Variants in STK32C observed in about 807,000 individuals in gnomAD.
STK32C encodes the protein serine/threonine-protein kinase 32C.
A neutral mutation model predicts 56.5 loss-of-function variants in STK32C; 31 were observed. The observed-to-expected ratio is 0.55, with a 90% confidence interval of 0.41 to 0.74. STK32C has a LOEUF of 0.74. Among genes scored for constraint, STK32C ranks in the 30% least tolerant of loss-of-function variants. The pLI is 0.00. For missense variants in STK32C, 544 were observed against 676.9 expected (o/e 0.80, Z 2.18); for synonymous variants, 309 against 289.4 (o/e 1.07, Z -0.69).
intron 1 of STK32C, among the ~76,000 whole-genome samples, chr10:132,256,824 C>G (rs776044889): frequency 2.6e-5 from 4 of 152,204 alleles, no homozygotes; most frequent in Non-Finnish European, 4.4e-5. Context: ...CCCAGAGGCA[C>G]AGATGCTTGG....
Position 132,254,553 on chromosome 10 carries a change from A to G in STK32C, c.263-8598T>C, listed in dbSNP as rs376536537. The stretch of plus-strand genomic sequence containing the variant: ...AGCCTGCCGCAGGGTGCCGGGAGTC[A>G]GCACTATGTCACCCCGGCACAATGC... On this transcript the variant is annotated intron_variant, in intron 1 of 11. Coordinates refer to ENST00000298630, the MANE Select transcript of STK32C (RefSeq NM_173575.4). Among the ~76,000 whole-genome samples the G allele has an allele frequency of 3.6e-5, 3 of 83,806 alleles. No individual in the cohort carries two copies. The South Asian group carries it at 1.5e-3, about 42-fold the overall frequency. The allele number at this position is 83,806 out of a possible 152,430, so 55.0% of individuals were successfully genotyped here.
At chr10:132,258,572 C>G (rs370513470) in intron 1 of STK32C, among the ~76,000 whole-genome samples, 2 of 152,240 alleles carry the variant, frequency 1.3e-5, no homozygotes, top group Non-Finnish European at 2.9e-5. Context: ...GCTGGGCCAG[C>G]GCGCAGGCCT....
chr10:132,223,727 C>T (rs1047525218), intron 8 of STK32C, among the ~76,000 whole-genome samples: 19 of 152,270 alleles, frequency 1.2e-4, no homozygotes, highest in Admixed American at 5.9e-4. Context: ...GCCTGAGACA[C>T]GGGGGCCGGG....
chr10:132,279,841 A>ACTGCACCCCATCATCACGCCC (rs2065105381), intron 1 of STK32C, among the ~76,000 whole-genome samples: 5 of 97,188 alleles, frequency 5.1e-5, no homozygotes, highest in Non-Finnish European at 1.1e-4. Context: ...TGATCACGCC[A>ACTGCACCCCATCATCACGCCC]CTGCACCCCA....
chr10:132,234,388 T>TCCC (rs1446224917), intron 2 of STK32C, among the ~76,000 whole-genome samples: 1 of 152,156 alleles, frequency 6.6e-6, no homozygotes, highest in Non-Finnish European at 1.5e-5. Flanking sequence ...CTTGCCACGG[T>TCCC]CCCCTCTGAA....
At chr10:132,316,460 G>A (rs1267117654) in intron 1 of STK32C, among the ~76,000 whole-genome samples, 1 of 151,892 alleles carries the variant, frequency 6.6e-6, no homozygotes, top group African/African-American at 2.4e-5. Flanking sequence ...AAAAAATAAG[G>A]ATAAAAAAAT....
At chr10:132,249,421 T>A (rs1392868330) in intron 1 of STK32C, among the ~76,000 whole-genome samples, 1 of 152,100 alleles carries the variant, frequency 6.6e-6, no homozygotes, top group African/African-American at 2.4e-5. Flanking sequence ...GAATCCTGGA[T>A]GTGGCTCCAG....
rs372555862 is a variant in STK32C at position 132,252,060 on chromosome 10, C to T, written c.263-6105G>A. The stretch of plus-strand genomic sequence containing the variant: ...GACCCACGCCTCCCCCTCACATCCC[C>T]ATCTCATCCTGCTGGGCCCCTCAGG... On this transcript the variant is annotated intron_variant, in intron 1 of 11. Coordinates refer to ENST00000298630, the MANE Select transcript of STK32C (RefSeq NM_173575.4). Among the ~76,000 whole-genome samples the T allele has an allele frequency of 8.3e-4, 127 of 152,364 alleles. 3 individuals carry two copies. The South Asian group carries it at 0.024, about 29-fold the overall frequency.
chr10:132,265,225 AGGGCAGCGAGGTGGCTCTGGGGGTGCCG>A lies in STK32C; in HGVS notation c.263-19298_263-19271del, dbSNP rs1219072779. 8.5e-3 allele frequency among the ~76,000 whole-genome samples: 1,159 copies of A among 136,458 alleles called. 37 individuals are homozygous for A. The highest frequency in any genetic ancestry group is 0.032 in the African/African-American group (1,048 of 32,372). 89.5% of individuals were successfully genotyped at this position (136,458 alleles called of 152,430 possible). Reference sequence around the variant, plus strand: ...TGAGGTGGGCTCTGGGGGAGCTGCCAGGGCAGCGAGGTGGCTCTGGGGGTGCCGCAAGGGCGGCGAGGTGGGCTCTGCA... The same window carrying A: ...TGAGGTGGGCTCTGGGGGAGCTGCCACAAGGGCGGCGAGGTGGGCTCTGCA... On this transcript the variant is annotated intron_variant, in intron 1 of 11. Coordinates refer to ENST00000298630, the MANE Select transcript of STK32C (RefSeq NM_173575.4).
At chr10:132,326,301 T>C (rs2066498543) in intron 1 of STK32C, among the ~76,000 whole-genome samples, 2 of 152,206 alleles carry the variant, frequency 1.3e-5, no homozygotes. Context: ...GTTGGTATCT[T>C]ATTGCTACAG....
intron 1 of STK32C, among the ~76,000 whole-genome samples, chr10:132,326,437 T>C (rs1035524114): frequency 1.3e-5 from 2 of 152,162 alleles, no homozygotes; most frequent in Non-Finnish European, 2.9e-5. Flanking sequence ...ATTCGAGTAA[T>C]TCTTGTGCCT....
intron 1 of STK32C, among the ~76,000 whole-genome samples, chr10:132,294,876 G>A (rs977924813): frequency 6.6e-6 from 1 of 152,186 alleles, no homozygotes; most frequent in Non-Finnish European, 1.5e-5. Flanking sequence ...CAGCTGCCAC[G>A]TGTGGTGGCT....
chr10:132,245,777 G>A (rs1033427708), intron 2 of STK32C, 123 bp downstream of exon 2: 2 of 956,284 alleles, frequency 2.1e-6, no homozygotes, highest in Non-Finnish European at 3.2e-6. Context: ...TGGAGCCTCT[G>A]CCCAGGTAAG....
chr10:132,266,033 T>C (rs1166658817), intron 1 of STK32C, among the ~76,000 whole-genome samples: 1 of 152,236 alleles, frequency 6.6e-6, no homozygotes, highest in Non-Finnish European at 1.5e-5. Context: ...TACCCAAGAA[T>C]GTGCTTTGCT....
At chr10:132,285,466 G>T (rs1205795807) in intron 1 of STK32C, among the ~76,000 whole-genome samples, 1 of 152,218 alleles carries the variant, frequency 6.6e-6, no homozygotes, top group Non-Finnish European at 1.5e-5. Flanking sequence ...TGTAAAAGAT[G>T]TACTTCCTAT....
chr10:132,300,522 T>C (rs1250535101), intron 1 of STK32C, among the ~76,000 whole-genome samples: 5 of 152,228 alleles, frequency 3.3e-5, no homozygotes, highest in African/African-American at 9.6e-5. Flanking sequence ...TTTAAAACAA[T>C]AGATTTCAAA....
intron 1 of STK32C, among the ~76,000 whole-genome samples, chr10:132,280,457 A>ACTCCC (rs2065146181): frequency 1.2e-5 from 1 of 81,288 alleles, no homozygotes; most frequent in African/African-American, 4.8e-5. Context: ...ACTGCACCCC[A>ACTCCC]TGATCACGCC....
At chr10:132,270,602 C>T (rs1347859464) in intron 1 of STK32C, among the ~76,000 whole-genome samples, 1 of 152,208 alleles carries the variant, frequency 6.6e-6, no homozygotes. Flanking sequence ...CCTTGGAGTC[C>T]CACGCCTGCT....
At chr10:132,271,508 A>G (rs917226571) in intron 1 of STK32C, among the ~76,000 whole-genome samples, 2 of 152,084 alleles carry the variant, frequency 1.3e-5, no homozygotes, top group African/African-American at 4.8e-5. Context: ...CTGGCCTCAC[A>G]CAGAAAGATG....
Sources: allele counts gnomAD v4.1 joint callset (sites outside exome capture counted in the v4.1 genomes callset), GRCh38; gene constraint gnomAD v4.1.1; transcripts MANE v1.5; gene names NCBI Gene and HGNC (gene_info 2026-07-23, HGNC 2026-07-21).